Variants in LRRC4C observed in about 807,000 individuals in gnomAD.
LRRC4C encodes the protein leucine-rich repeat-containing protein 4C.
A neutral mutation model predicts 33.6 loss-of-function variants in LRRC4C; 5 were observed. That is an observed-to-expected ratio of 0.15 (90% CI 0.08 to 0.31). LRRC4C has a LOEUF of 0.31. LRRC4C is among the 10% of genes least tolerant of loss of function. The pLI is 1.00. For missense variants in LRRC4C, 560 were observed against 796.7 expected, an observed-to-expected ratio of 0.70 and a Z score of 3.58; for synonymous variants, 329 against 302.0, an observed-to-expected ratio of 1.09 and a Z score of -0.93.
chr11:41,021,201 GA>G (rs1855950389), intron 1 of LRRC4C, among the ~76,000 whole-genome samples: 3 of 147,840 alleles, frequency 2.0e-5, no homozygotes, highest in African/African-American at 5.1e-5. Context: ...GAGAGAGAGA[GA>G]GAGAGAGAGA....
intron 3 of LRRC4C, among the ~76,000 whole-genome samples, chr11:40,587,455 A>C (rs1051803636): frequency 2.0e-5 from 3 of 147,256 alleles, no homozygotes; most frequent in Non-Finnish European, 3.0e-5. Flanking sequence ...TTCCTAATTG[A>C]ATACCCTTTA....
At chr11:40,182,884 T>G (rs116145316) in intron 5 of LRRC4C, among the ~76,000 whole-genome samples, 4 of 152,210 alleles carry the variant, frequency 2.6e-5, no homozygotes, top group African/African-American at 9.6e-5. Context: ...TGTTAACTAA[T>G]TTAGTTTTCA....
chr11:40,480,049 G>A (rs2138392332), intron 3 of LRRC4C, among the ~76,000 whole-genome samples: 1 of 152,262 alleles, frequency 6.6e-6, no homozygotes, highest in Middle Eastern at 3.4e-3. Context: ...AGGCAATTAA[G>A]CTGAAAGCAG....
intron 3 of LRRC4C, among the ~76,000 whole-genome samples, chr11:40,358,396 T>G (rs1947781359): frequency 6.6e-6 from 1 of 152,022 alleles, no homozygotes; most frequent in Non-Finnish European, 1.5e-5. Flanking sequence ...TCCTCTCACC[T>G]CAGCCTCCTG....
chr11:40,875,537 T>A, intron 2 of LRRC4C, among the ~76,000 whole-genome samples: 1 of 152,120 alleles, frequency 6.6e-6, no homozygotes, highest in East Asian at 1.9e-4. Flanking sequence ...TAGACTTGGG[T>A]CTCATTCCAA....
chr11:40,244,219 C>G (rs1355368990), intron 4 of LRRC4C, among the ~76,000 whole-genome samples: 1 of 151,902 alleles, frequency 6.6e-6, no homozygotes, highest in Non-Finnish European at 1.5e-5. Flanking sequence ...AAACTTATAC[C>G]CCAAAATTTG....
chr11:40,609,078 A>G (rs1294862525), intron 3 of LRRC4C, among the ~76,000 whole-genome samples: 1 of 152,142 alleles, frequency 6.6e-6, no homozygotes, highest in East Asian at 1.9e-4. Context: ...GAACTAGTAG[A>G]CATATACAAA....
intron 3 of LRRC4C, among the ~76,000 whole-genome samples, chr11:40,355,607 T>A (rs1011560950): frequency 1.3e-5 from 2 of 152,142 alleles, no homozygotes; most frequent in Non-Finnish European, 2.9e-5. Flanking sequence ...AGGGCAGCAC[T>A]GAGTTCCAAT....
At chr11:40,816,536 C>A (rs753746064) in intron 2 of LRRC4C, among the ~76,000 whole-genome samples, 9 of 152,134 alleles carry the variant, frequency 5.9e-5, no homozygotes, top group Non-Finnish European at 1.2e-4. Context: ...TGGCTTCACA[C>A]CTTGATTCAT....
chr11:40,771,506 C>A (rs7947680), intron 2 of LRRC4C, among the ~76,000 whole-genome samples: 1 of 151,966 alleles, frequency 6.6e-6, no homozygotes, highest in Non-Finnish European at 1.5e-5. Context: ...GATTAACATT[C>A]GGCTCCTCAT....
At chr11:41,435,741 G>A (rs1955403746) in intron 1 of LRRC4C, among the ~76,000 whole-genome samples, 1 of 152,118 alleles carries the variant, frequency 6.6e-6, no homozygotes, top group Non-Finnish European at 1.5e-5. Context: ...GTTTCATATA[G>A]CACTATTAAT....
chr11:41,221,751 A>G (rs535737556), intron 1 of LRRC4C, among the ~76,000 whole-genome samples: 2 of 152,364 alleles, frequency 1.3e-5, no homozygotes, highest in Non-Finnish European at 2.9e-5. Context: ...ATAAATTTAT[A>G]CTTGCAAGAT....
intron 1 of LRRC4C, among the ~76,000 whole-genome samples, chr11:41,404,049 G>C (rs1954125403): frequency 6.6e-6 from 1 of 152,218 alleles, no homozygotes; most frequent in South Asian, 2.1e-4. Flanking sequence ...CAGTTGAGAA[G>C]TAAATTATGA....
intron 3 of LRRC4C, among the ~76,000 whole-genome samples, chr11:40,449,471 T>C (rs1017865219): frequency 2.6e-5 from 4 of 152,172 alleles, no homozygotes; most frequent in Admixed American, 6.5e-5. Flanking sequence ...TTTACTCTAG[T>C]GATGTAAAAA....
At chr11:40,388,550 C>T (rs1716033340) in intron 3 of LRRC4C, among the ~76,000 whole-genome samples, 2 of 152,138 alleles carry the variant, frequency 1.3e-5, no homozygotes, top group Non-Finnish European at 2.9e-5. Flanking sequence ...AAAGAACTTA[C>T]TGGGATCCTG....
chr11:41,102,753 C>T (rs780008691), intron 1 of LRRC4C, among the ~76,000 whole-genome samples: 3 of 152,030 alleles, frequency 2.0e-5, no homozygotes, highest in East Asian at 1.9e-4. Context: ...ATTTAAACAA[C>T]GCTGTGCTCA....
intron 2 of LRRC4C, among the ~76,000 whole-genome samples, chr11:40,792,253 TAA>T (rs982770086): frequency 1.3e-5 from 2 of 148,730 alleles, no homozygotes; most frequent in East Asian, 3.9e-4. Context: ...TTCCAAGGAG[TAA>T]AAAAAAAATG....
At position 40,470,511 on chromosome 11, in the gene LRRC4C, G is replaced by C. The variant is rs1167371142; in HGVS notation, c.-269-150790C>G. The stretch of plus-strand genomic sequence containing the variant: ...GGATCACAACTCCTTGCCAGCAAGG[G>C]AACAAAACTGGACGGAGAATGAGAT... On this transcript the variant is annotated intron_variant, in intron 3 of 6. Coordinates refer to ENST00000528697, the MANE Select transcript of LRRC4C (RefSeq NM_001258419.2). 2.0e-5 allele frequency among the ~76,000 whole-genome samples: 3 copies of C among 152,290 alleles called. No homozygotes were observed. The East Asian group carries it at 5.8e-4, about 29-fold the overall frequency.
At chr11:41,346,811 C>G (rs1255383202) in intron 1 of LRRC4C, among the ~76,000 whole-genome samples, 3 of 152,088 alleles carry the variant, frequency 2.0e-5, no homozygotes, top group Non-Finnish European at 4.4e-5. Context: ...TACTGATTGA[C>G]AACTAAAGTA....
Sources: allele counts gnomAD v4.1 joint callset (sites outside exome capture counted in the v4.1 genomes callset), GRCh38; gene constraint gnomAD v4.1.1; transcripts MANE v1.5; gene names NCBI Gene and HGNC (gene_info 2026-07-23, HGNC 2026-07-21).